PTPRB: variants seen among roughly 807,000 people sequenced by gnomAD.
The protein encoded by PTPRB is receptor-type tyrosine-protein phosphatase beta.
In PTPRB, 97 loss-of-function variants were observed where a neutral mutation model predicts 238.1. That is an observed-to-expected ratio of 0.41 (90% CI 0.35 to 0.48). The LOEUF is 0.48. PTPRB is among the 20% of genes least tolerant of loss of function. The pLI is 0.30. For missense variants in PTPRB, 2,292 were observed against 2,681.9 expected, an observed-to-expected ratio of 0.85 and a Z score of 3.21; for synonymous variants, 970 against 995.4, an observed-to-expected ratio of 0.97 and a Z score of 0.48.
In PTPRB at chr12:70,560,003, ATTG is replaced by A. The variant is rs1878275420; in HGVS notation, c.4433-382_4433-380del. ...AGGTGCCCACCACTACACCTGGCTA[ATTG>A]TTGTATTTTTAGTAGAGACAGGGTT... On this transcript the variant is annotated intron_variant, in intron 17 of 33. Coordinates refer to ENST00000334414, the MANE Select transcript of PTPRB (RefSeq NM_001109754.4). This position sits in a 1 kb window ranked among gnomAD's most constrained non-coding sequence, Gnocchi z 4.2. Among the ~76,000 whole-genome samples the A allele has an allele frequency of 6.6e-6, 1 of 151,716 alleles. No homozygotes were observed. The highest frequency in any genetic ancestry group is 2.4e-5 in the African/African-American group (1 of 41,276).
intron 1 of PTPRB, among the ~76,000 whole-genome samples, chr12:70,636,437 T>G (rs1021927843): frequency 2.0e-5 from 3 of 152,284 alleles, no homozygotes; most frequent in African/African-American, 7.2e-5. Context: ...TATGAAATGC[T>G]CAGCTCCCTT....
chr12:70,615,662 C>A (rs1884646933), intron 3 of PTPRB, among the ~76,000 whole-genome samples: 1 of 152,194 alleles, frequency 6.6e-6, no homozygotes, highest in Non-Finnish European at 1.5e-5. Flanking sequence ...GTTCCTGCCA[C>A]CCCACCCTTG....
In PTPRB at chr12:70,534,487, C is replaced by T; in HGVS notation, c.6368+1G>A. On this transcript the variant is annotated splice_donor_variant, in intron 31 of 33. Transcript: ENST00000334414. LOFTEE classifies it high-confidence loss of function. Reference sequence around the variant, plus strand: ...TTATTGGCTGCTAGGTTTCCTAGTACCTGCAGTGCACCACAGTGGGCCCAG... The same window carrying T: ...TTATTGGCTGCTAGGTTTCCTAGTATCTGCAGTGCACCACAGTGGGCCCAG... The T allele has an allele frequency of 6.2e-7, 1 of 1,611,424 alleles. No individual in the cohort carries two copies. The highest frequency in any genetic ancestry group is 8.5e-7 in the Non-Finnish European group (1 of 1,179,424).
At chr12:70,603,111 T>C (rs1883658081) in intron 4 of PTPRB, among the ~76,000 whole-genome samples, 1 of 152,156 alleles carries the variant, frequency 6.6e-6, no homozygotes, top group African/African-American at 2.4e-5. Context: ...ATGTGTAAAG[T>C]GCCATGCCTA....
intron 9 of PTPRB, among the ~76,000 whole-genome samples, chr12:70,582,663 C>T (rs1300071948): frequency 6.6e-6 from 1 of 152,038 alleles, no homozygotes; most frequent in Non-Finnish European, 1.5e-5. Context: ...TAAAAATTAA[C>T]TCAAAATGGG....
intron 20 of PTPRB, among the ~76,000 whole-genome samples, chr12:70,554,208 T>A (rs1046954800): frequency 1.4e-4 from 22 of 152,222 alleles, no homozygotes; most frequent in Non-Finnish European, 2.9e-5. Flanking sequence ...ACTGTGAGCC[T>A]AAAATACCCA....
chr12:70,596,049 C>G lies in PTPRB; in HGVS notation c.1258G>C (p.Val420Leu). The stretch of plus-strand genomic sequence containing the variant: ...CAGCTATAAAATAAACAGGTCTTAC[C>G]TGTTGATCCATTGGTATAAACTGAA... Reference protein sequence around the residue: ...SFSVYTNGSTVPSPVKDIGIS... With the variant: ...SFSVYTNGSTLPSPVKDIGIS... Residue 420 changes from valine (V) to leucine (L), a missense_variant and splice_region_variant, in exon 5 of 34, where the codon GTG becomes CTG. Val to Leu is a conservative substitution (Grantham distance 32, BLOSUM62 1). This residue lies in a region of PTPRB where 1,205 missense variants were observed against 1,287.8 expected (regional missense o/e 0.94). Coordinates refer to ENST00000334414, the MANE Select transcript of PTPRB (RefSeq NM_001109754.4). 2 of 1,593,560 alleles carry G rather than the reference C, an allele frequency of 1.3e-6. No homozygotes were observed. Among genetic ancestry groups the G allele is most frequent in the Non-Finnish European group, 1.7e-6 (2 of 1,167,012 alleles).
intron 31 of PTPRB, among the ~76,000 whole-genome samples, chr12:70,533,243 A>G (rs10459278): frequency 0.052 from 7,931 of 152,108 alleles, 308 homozygotes; most frequent in East Asian, 0.15. Context: ...AATGCCTGCC[A>G]TTTTTCAAAA....
intron 29 of PTPRB, 78 bp from the exon 30 acceptor site, chr12:70,535,033 TG>T (rs1873890208): frequency 1.7e-5 from 26 of 1,496,390 alleles, no homozygotes; most frequent in Non-Finnish European, 2.3e-5. Context: ...CTCCTCTAAA[TG>T]TCTTCCAAAG....
intron 32 of PTPRB, among the ~76,000 whole-genome samples, chr12:70,530,438 T>A (rs886779868): frequency 2.0e-5 from 3 of 152,156 alleles, no homozygotes; most frequent in African/African-American, 7.2e-5. Flanking sequence ...GGTGTATACA[T>A]ATACACATGC....
At chr12:70,535,573 ATAAAG>A (rs1565910340) in intron 29 of PTPRB, among the ~76,000 whole-genome samples, 1 of 152,156 alleles carries the variant, frequency 6.6e-6, no homozygotes, top group Admixed American at 6.5e-5. Context: ...AAATAACCAT[ATAAAG>A]TAGAGGATGG....
In PTPRB at chr12:70,552,991, G is replaced by A; in HGVS notation, c.5173C>T (p.His1725Tyr). The A allele has an allele frequency of 6.2e-7, 1 of 1,613,680 alleles. No homozygotes were observed. The highest frequency in any genetic ancestry group is 8.5e-7 in the Non-Finnish European group (1 of 1,179,646). Residue 1725 changes from histidine (H) to tyrosine (Y), a missense_variant, in exon 21 of 34, where the codon CAC becomes TAC. Physicochemically the swap from His to Tyr is moderately conservative, Grantham distance 83. Transcript: ENST00000334414. ...GSDELKPEQQ[H>Y]PLPSYLEYRH... Reference sequence around the variant, plus strand: ...TACTCCAGGTAGGAAGGGAGAGGGTGCTGCTGTTCTGGCTTCAGCTCATCA... The same window carrying A: ...TACTCCAGGTAGGAAGGGAGAGGGTACTGCTGTTCTGGCTTCAGCTCATCA...
rs1295878068 is a variant in PTPRB, at chr12:70,622,589, A to C, written c.509T>G (p.Ile170Ser). ...RSTRNTAPPQ[I>S]LTTFNAVPDG... ...TGGAACTGCATTAAAGGTAGTGAGAATCTGGGGTGGAGCCGTGTTTCTAGT... is the reference window on the plus strand; with the variant it reads ...TGGAACTGCATTAAAGGTAGTGAGACTCTGGGGTGGAGCCGTGTTTCTAGT... Residue 170 changes from isoleucine to serine, a missense_variant, in exon 3 of 34, where the codon ATT (isoleucine) becomes AGT (serine). This residue lies in a region of PTPRB where 1,205 missense variants were observed against 1,287.8 expected (regional missense o/e 0.94). Coordinates refer to ENST00000334414, the MANE Select transcript of PTPRB (RefSeq NM_001109754.4). The C allele has an allele frequency of 6.3e-7, 1 of 1,592,386 alleles. No homozygotes were observed. Among genetic ancestry groups the C allele is most frequent in the Non-Finnish European group, 8.6e-7 (1 of 1,168,522 alleles).
At chr12:70,602,507 T>G (rs528623906) in intron 4 of PTPRB, among the ~76,000 whole-genome samples, 1 of 152,248 alleles carries the variant, frequency 6.6e-6, no homozygotes, top group Non-Finnish European at 1.5e-5. Flanking sequence ...TCACTTGATA[T>G]GTACTTCTAA....
chr12:70,628,876 T>A (rs896257289), intron 2 of PTPRB, among the ~76,000 whole-genome samples: 1 of 152,126 alleles, frequency 6.6e-6, no homozygotes, highest in South Asian at 2.1e-4. Context: ...ACTGTAACAT[T>A]TGATTGCTTG....
At chr12:70,537,126 T>C (rs984053885) in intron 28 of PTPRB, among the ~76,000 whole-genome samples, 7 of 151,422 alleles carry the variant, frequency 4.6e-5, no homozygotes, top group African/African-American at 1.5e-4. Context: ...CTACTAAAAA[T>C]ACAAAAAAAT....
intron 2 of PTPRB, among the ~76,000 whole-genome samples, chr12:70,627,050 T>C (rs1592607701): frequency 6.8e-6 from 1 of 148,094 alleles, no homozygotes; most frequent in Non-Finnish European, 1.5e-5. Flanking sequence ...ACTAAAAAAA[T>C]AATTGAAAGG....
intron 3 of PTPRB, among the ~76,000 whole-genome samples, chr12:70,610,306 C>G (rs1016382971): frequency 1.3e-5 from 2 of 152,146 alleles, no homozygotes; most frequent in Non-Finnish European, 2.9e-5. Context: ...CTCCCGTACT[C>G]TCCCTTTTCC....
intron 2 of PTPRB, among the ~76,000 whole-genome samples, chr12:70,632,333 A>G (rs1885489305): frequency 6.6e-6 from 1 of 152,200 alleles, no homozygotes; most frequent in South Asian, 2.1e-4. Context: ...ACAAGGACAG[A>G]AAACCAAACA....
Sources: gnomAD v4.1 joint callset for allele counts (sites outside exome capture counted in the v4.1 genomes callset) on GRCh38, gnomAD v4.1.1 for gene constraint, gnomAD v4.1.1 regional missense constraint, Gnocchi (gnomAD v3.1) non-coding constraint, MANE v1.5 for transcripts, NCBI Gene and HGNC (gene_info 2026-07-23, HGNC 2026-07-21) for gene names.